ZC3H3: variants seen among roughly 807,000 people sequenced by gnomAD.
The protein encoded by ZC3H3 is zinc finger CCCH domain-containing protein 3.
Under a neutral mutation model 77.3 loss-of-function variants are expected in ZC3H3, and 36 were observed. That is an observed-to-expected ratio of 0.47 (90% CI 0.36 to 0.61). The LOEUF (loss-of-function observed/expected upper bound fraction) is 0.61. Among genes scored for constraint, ZC3H3 ranks in the 20% least tolerant of loss-of-function variants. ZC3H3 has a pLI of 0.00. For synonymous variants in ZC3H3, 626 were observed against 555.2 expected, an observed-to-expected ratio of 1.13 and a Z score of -1.79; for missense variants, 1,331 against 1,312.2, an observed-to-expected ratio of 1.01 and a Z score of -0.22.
chr8:143,539,408 C>A lies in ZC3H3; in HGVS notation c.47-88G>T, dbSNP rs1822935440. On this transcript the variant is annotated intron_variant, in intron 1 of 11. Coordinates refer to ENST00000262577, the MANE Select transcript of ZC3H3 (RefSeq NM_015117.3). The stretch of plus-strand genomic sequence containing the variant: ...TGGAAGGGCATCAGCTGGCAAGATA[C>A]CCCCAGATCCCATCTCACTTCTGAG... 20 of 1,282,364 alleles carry A rather than the reference C, an allele frequency of 1.6e-5. No individual in the cohort carries two copies. In the South Asian group the frequency reaches 2.8e-4, roughly 18 times the overall value. 79.4% of individuals were successfully genotyped at this position (1,282,364 alleles called of 1,614,324 possible).
chr8:143,520,651 G>A (rs1249043506), intron 3 of ZC3H3, among the ~76,000 whole-genome samples: 1 of 152,204 alleles, frequency 6.6e-6, no homozygotes, highest in East Asian at 1.9e-4. Flanking sequence ...AGGCTGAGCC[G>A]TTTCCATTTG....
rs183611872 is a variant in ZC3H3, at chr8:143,532,666, G to A, written c.1561+3591C>T. 8.6e-3 allele frequency among the ~76,000 whole-genome samples: 1,316 copies of A among 152,362 alleles called. 9 individuals carry two copies. The highest frequency in any genetic ancestry group is 0.012 in the Non-Finnish European group (823 of 68,036). Reference sequence around the variant, plus strand: ...TCACCAGAGCACTGCAGCGTTCAACGAAACAAAGCTGGGCCCTGCCCAGAA... The same window carrying A: ...TCACCAGAGCACTGCAGCGTTCAACAAAACAAAGCTGGGCCCTGCCCAGAA... On this transcript the variant is annotated intron_variant, in intron 3 of 11. Coordinates refer to ENST00000262577, the MANE Select transcript of ZC3H3 (RefSeq NM_015117.3).
intron 9 of ZC3H3, among the ~76,000 whole-genome samples, chr8:143,463,775 G>A (rs368013819): frequency 2.6e-5 from 4 of 152,334 alleles, no homozygotes; most frequent in African/African-American, 9.6e-5. Flanking sequence ...GGCAGACCCC[G>A]CAGGTGTGTA....
At chr8:143,482,415 C>T (rs892394020) in intron 4 of ZC3H3, among the ~76,000 whole-genome samples, 3 of 152,292 alleles carry the variant, frequency 2.0e-5, no homozygotes, top group Middle Eastern at 3.4e-3. Flanking sequence ...ATGTGTGTTG[C>T]GAGAACACAC....
chr8:143,462,539 TG>T lies in ZC3H3; in HGVS notation c.2307+3177del, dbSNP rs991216888. On this transcript the variant is annotated intron_variant, in intron 9 of 11. Coordinates refer to ENST00000262577, the MANE Select transcript of ZC3H3 (RefSeq NM_015117.3). The surrounding 1 kb of genome is among the most constrained non-coding windows in gnomAD (Gnocchi z 4.7). Reference sequence around the variant, plus strand: ...GAGGACACAGGAGCCCTTGCAAGCCTGGAGGATGAAGGCAGGGTGTGCGTGA... The same window carrying T: ...GAGGACACAGGAGCCCTTGCAAGCCTGAGGATGAAGGCAGGGTGTGCGTGA... Among the ~76,000 whole-genome samples the T allele has an allele frequency of 6.6e-6, 1 of 152,130 alleles. No individual in the cohort carries two copies. Among genetic ancestry groups the T allele is most frequent in the African/African-American group, 2.4e-5 (1 of 41,402 alleles).
chr8:143,460,173 G>A lies in ZC3H3; in HGVS notation c.2307+5544C>T, dbSNP rs550890096. 1.7e-4 allele frequency among the ~76,000 whole-genome samples: 26 copies of A among 151,862 alleles called. No individual in the cohort carries two copies. The highest frequency in any genetic ancestry group is 3.2e-3 in the Middle Eastern group (1 of 316). On this transcript the variant is annotated intron_variant, in intron 9 of 11. Transcript: ENST00000262577. The surrounding 1 kb of genome is among the most constrained non-coding windows in gnomAD (Gnocchi z 4.0). ...TGAGGCAGGAGAATCACTCGAACCCGGGAGGCGGAAGTTGCAGTGAGCCGA... is the reference window on the plus strand; with the variant it reads ...TGAGGCAGGAGAATCACTCGAACCCAGGAGGCGGAAGTTGCAGTGAGCCGA...
At chr8:143,497,092 G>A (rs1045365995) in intron 4 of ZC3H3, among the ~76,000 whole-genome samples, 1 of 152,208 alleles carries the variant, frequency 6.6e-6, no homozygotes, top group African/African-American at 2.4e-5. Flanking sequence ...ATAAACAACT[G>A]GTGAGTTTCA....
At chr8:143,490,186 C>T (rs552508613) in intron 4 of ZC3H3, among the ~76,000 whole-genome samples, 1 of 152,340 alleles carries the variant, frequency 6.6e-6, no homozygotes, top group East Asian at 1.9e-4. Flanking sequence ...TGGGGCTGCA[C>T]AGTGCTCAGC....
At chr8:143,526,132 G>A (rs541402362) in intron 3 of ZC3H3, among the ~76,000 whole-genome samples, 304 of 152,354 alleles carry the variant, frequency 2.0e-3, no homozygotes, top group Non-Finnish European at 3.1e-3. Flanking sequence ...AGAGGGCACT[G>A]ACTTCAGTGG....
At chr8:143,452,064 C>T (rs776565577) in intron 9 of ZC3H3, among the ~76,000 whole-genome samples, 20 of 152,202 alleles carry the variant, frequency 1.3e-4, no homozygotes, top group Non-Finnish European at 2.5e-4. Context: ...AAAGGGCAGC[C>T]CAGCAAGACA....
chr8:143,533,685 C>CTT lies in ZC3H3; in HGVS notation c.1561+2570_1561+2571dup, dbSNP rs1244995181. On this transcript the variant is annotated intron_variant, in intron 3 of 11. Coordinates refer to ENST00000262577, the MANE Select transcript of ZC3H3 (RefSeq NM_015117.3). The surrounding 1 kb of genome is among the most constrained non-coding windows in gnomAD (Gnocchi z 4.0). ...CACTCCATGCAGCCGCCACGCTGGT[C>CTT]TTTTTTTTTTTTTTTTTTTGAGACA... Among the ~76,000 whole-genome samples the CTT allele has an allele frequency of 7.3e-4, 94 of 128,714 alleles. 1 individual carries two copies. Among genetic ancestry groups the CTT allele is most frequent in the African/African-American group, 9.2e-4 (32 of 34,810 alleles). The allele number at this position is 128,714 out of a possible 152,430, so 84.4% of individuals were successfully genotyped here.
intron 3 of ZC3H3, among the ~76,000 whole-genome samples, chr8:143,520,503 A>G (rs536892000): frequency 6.6e-6 from 1 of 152,278 alleles, no homozygotes; most frequent in South Asian, 2.1e-4. Context: ...CCGGCTGGGA[A>G]GCACCGGGGT....
chr8:143,475,940 T>G (rs1563848996), intron 4 of ZC3H3, among the ~76,000 whole-genome samples: 1 of 152,140 alleles, frequency 6.6e-6, no homozygotes, highest in African/African-American at 2.4e-5. Flanking sequence ...CACCTCCCCG[T>G]GGATATAACC....
chr8:143,441,293 A>G (rs769608390), intron 9 of ZC3H3, among the ~76,000 whole-genome samples, 173 bp from the exon 10 acceptor site: 2 of 152,022 alleles, frequency 1.3e-5, no homozygotes, highest in East Asian at 1.9e-4. Flanking sequence ...CAGTCCAGAG[A>G]GGTTCCACCT....
At chr8:143,536,753 C>G (rs1156333844) in intron 2 of ZC3H3, among the ~76,000 whole-genome samples, 1 of 152,168 alleles carries the variant, frequency 6.6e-6, no homozygotes, top group East Asian at 1.9e-4. Flanking sequence ...CATGTCCACC[C>G]CCTCCCCATC....
At chr8:143,489,471 C>T (rs759535248) in intron 4 of ZC3H3, among the ~76,000 whole-genome samples, 6 of 152,032 alleles carry the variant, frequency 3.9e-5, no homozygotes, top group South Asian at 2.1e-4. Flanking sequence ...CGCCCACCAC[C>T]GCCTGGCCCC....
chr8:143,516,525 T>TCACACACACACACACACACACA (rs57359541), intron 3 of ZC3H3, among the ~76,000 whole-genome samples: 1 of 139,918 alleles, frequency 7.1e-6, no homozygotes, highest in Non-Finnish European at 1.5e-5. Context: ...AACTTTGCAA[T>TCACACACACACACACACACACA]CACACACACA....
At chr8:143,484,094 T>C (rs1260970624) in intron 4 of ZC3H3, among the ~76,000 whole-genome samples, 1 of 152,188 alleles carries the variant, frequency 6.6e-6, no homozygotes, top group African/African-American at 2.4e-5. Flanking sequence ...CAGCCTTGTT[T>C]GGGGGCCCCT....
rs558747065 is a variant in ZC3H3 at position 143,538,526 on chromosome 8, C to T, written c.841G>A (p.Gly281Ser). Residue 281 changes from glycine to serine, a missense_variant, in exon 2 of 12, where the codon GGC (glycine) becomes AGC (serine). Gly to Ser is a moderately conservative substitution (Grantham distance 56). Coordinates refer to ENST00000262577, the MANE Select transcript of ZC3H3 (RefSeq NM_015117.3). ...GGTCCTGAGGCCGGTCTGGCGGGGCCCCCCACTGAGCCAGACGGAACTGGC... is the reference window on the plus strand; with the variant it reads ...GGTCCTGAGGCCGGTCTGGCGGGGCTCCCCACTGAGCCAGACGGAACTGGC... ...DQPVPSGSVGGPARPASGPRQ... is the reference protein window; with the variant it reads ...DQPVPSGSVGSPARPASGPRQ... 6.2e-6 allele frequency: 10 copies of T among 1,612,280 alleles called. No individual in the cohort carries two copies. Among genetic ancestry groups the T allele is most frequent in the Non-Finnish European group, 8.5e-6 (10 of 1,180,006 alleles).
Sources: gnomAD v4.1 joint callset for allele counts (sites outside exome capture counted in the v4.1 genomes callset) on GRCh38, gnomAD v4.1.1 for gene constraint, Gnocchi (gnomAD v3.1) non-coding constraint, MANE v1.5 for transcripts, NCBI Gene and HGNC (gene_info 2026-07-23, HGNC 2026-07-21) for gene names.